The following GRXCR1 variants were observed in gnomAD, a reference collection of about 807,000 sequenced individuals.
GRXCR1 encodes the protein glutaredoxin domain-containing cysteine-rich protein 1.
In GRXCR1, 27 loss-of-function variants were observed where a neutral mutation model predicts 27.3. The ratio of observed to expected loss-of-function variants is 0.99; its 90% CI spans 0.73 to 1.37. The LOEUF (loss-of-function observed/expected upper bound fraction) is 1.37. Among genes scored for constraint, GRXCR1 ranks in the 40% most tolerant of loss-of-function variants. The pLI, the probability that GRXCR1 is intolerant of heterozygous loss-of-function variation, is 0.00. For missense variants in GRXCR1, 379 were observed against 354.4 expected (o/e 1.07, Z -0.56); for synonymous variants, 122 against 131.1 (o/e 0.93, Z 0.47).
chr4:42,963,256 A>AACC, intron 2 of GRXCR1, 122 bp downstream of exon 2: 1 of 1,110,146 alleles, frequency 9.0e-7, no homozygotes, highest in East Asian at 2.4e-5. Flanking sequence ...TTGGAGCTCA[A>AACC]ACCAAAGGGA....
At chr4:42,940,123 T>C (rs1747580603) in intron 1 of GRXCR1, among the ~76,000 whole-genome samples, 1 of 151,936 alleles carries the variant, frequency 6.6e-6, no homozygotes, top group Non-Finnish European at 1.5e-5. Context: ...TCTTTCTGAG[T>C]TCTTCATGGT....
chr4:42,999,486 A>G (rs1345307270), intron 2 of GRXCR1, among the ~76,000 whole-genome samples: 1 of 152,166 alleles, frequency 6.6e-6, no homozygotes, highest in Non-Finnish European at 1.5e-5. Context: ...TCACCTTTCC[A>G]AGTCTCTTCC....
intron 2 of GRXCR1, among the ~76,000 whole-genome samples, chr4:42,984,278 C>T (rs369846107): frequency 4.6e-5 from 7 of 152,300 alleles, no homozygotes; most frequent in African/African-American, 1.7e-4. Context: ...TTTCTTGTCA[C>T]TTTTTATTTT....
chr4:42,964,438 T>G (rs189034261), intron 2 of GRXCR1, among the ~76,000 whole-genome samples: 7 of 152,148 alleles, frequency 4.6e-5, no homozygotes, highest in African/African-American at 1.4e-4. Flanking sequence ...TTTTCTCATT[T>G]GTAAAATGGG....
chr4:42,921,644 G>C (rs1747013642), intron 1 of GRXCR1, among the ~76,000 whole-genome samples: 1 of 151,726 alleles, frequency 6.6e-6, no homozygotes. Flanking sequence ...AAAAATGGAT[G>C]GTTTTATTTC....
At chr4:43,008,042 C>A (rs1045417924) in intron 2 of GRXCR1, among the ~76,000 whole-genome samples, 1 of 151,928 alleles carries the variant, frequency 6.6e-6, no homozygotes, top group African/African-American at 2.4e-5. Context: ...TTTTTATTTG[C>A]TTAGTTTTAT....
chr4:43,005,582 A>G (rs568775463), intron 2 of GRXCR1, among the ~76,000 whole-genome samples: 46 of 152,176 alleles, frequency 3.0e-4, no homozygotes, highest in Non-Finnish European at 6.5e-4. Context: ...GCAAGATGAG[A>G]GACTGTGGCC....
intron 3 of GRXCR1, among the ~76,000 whole-genome samples, chr4:43,021,957 C>T (rs553147117): frequency 1.8e-4 from 27 of 152,236 alleles, no homozygotes; most frequent in African/African-American, 5.5e-4. Flanking sequence ...CTTTCACCTG[C>T]CAGTATCTTG....
intron 1 of GRXCR1, among the ~76,000 whole-genome samples, chr4:42,905,524 C>T (rs1177368025): frequency 6.6e-6 from 1 of 152,168 alleles, no homozygotes; most frequent in African/African-American, 2.4e-5. Flanking sequence ...TCAAAAGAGG[C>T]TGTTGCTGAG....
rs980909974 is a variant in GRXCR1, at chr4:42,921,836, C to T, written c.384+28186C>T. ...TTAGGGCTGGAAGAACTAGGAGAGA[C>T]GAGGGTCTGTGCCCTACTCCTGGAA... On this transcript the variant is annotated intron_variant, in intron 1 of 3. Transcript: ENST00000399770. 7.2e-5 allele frequency among the ~76,000 whole-genome samples: 11 copies of T among 152,214 alleles called. No homozygotes were observed. In the South Asian group the frequency reaches 1.0e-3, roughly 14 times the overall value.
At chr4:42,910,520 C>T (rs1463335414) in intron 1 of GRXCR1, among the ~76,000 whole-genome samples, 1 of 152,118 alleles carries the variant, frequency 6.6e-6, no homozygotes, top group East Asian at 1.9e-4. Context: ...GTGAATGCCC[C>T]ATGGAGGAGT....
At chr4:42,996,265 G>C (rs534028037) in intron 2 of GRXCR1, among the ~76,000 whole-genome samples, 3 of 152,066 alleles carry the variant, frequency 2.0e-5, no homozygotes, top group Non-Finnish European at 2.9e-5. Flanking sequence ...ATAAAGTTAC[G>C]ATCATCTGTC....
chr4:42,926,017 G>GA (rs961330231), intron 1 of GRXCR1, among the ~76,000 whole-genome samples: 2 of 151,914 alleles, frequency 1.3e-5, no homozygotes, highest in African/African-American at 4.8e-5. Flanking sequence ...AGCTCCTTGA[G>GA]AAAAAAAGTT....
At chr4:42,956,342 T>C (rs1180907166) in intron 1 of GRXCR1, among the ~76,000 whole-genome samples, 1 of 151,990 alleles carries the variant, frequency 6.6e-6, no homozygotes, top group Admixed American at 6.6e-5. Context: ...ATGGTAACCC[T>C]CAGGAAGGGA....
chr4:42,987,245 TATAA>T (rs377239543), intron 2 of GRXCR1, among the ~76,000 whole-genome samples: 13 of 85,984 alleles, frequency 1.5e-4, no homozygotes, highest in South Asian at 6.7e-4. Flanking sequence ...ATATATAATA[TATAA>T]TATATATATA....
chr4:42,938,390 A>T (rs1368076051), intron 1 of GRXCR1, among the ~76,000 whole-genome samples: 1 of 152,034 alleles, frequency 6.6e-6, no homozygotes, highest in Admixed American at 6.6e-5. Context: ...TACAACGAAC[A>T]TGGGAGTGCA....
intron 2 of GRXCR1, among the ~76,000 whole-genome samples, chr4:42,971,803 G>T (rs1298406801): frequency 6.6e-6 from 1 of 151,910 alleles, no homozygotes; most frequent in Admixed American, 6.6e-5. Flanking sequence ...AAAAAAAAAT[G>T]CTCAAAGACA....
intron 1 of GRXCR1, among the ~76,000 whole-genome samples, chr4:42,935,463 G>T (rs1747434195): frequency 6.6e-6 from 1 of 151,810 alleles, no homozygotes; most frequent in South Asian, 2.1e-4. Flanking sequence ...ATGAGGGAGG[G>T]TTTTGTGCAA....
chr4:42,983,544 T>G (rs1711562672), intron 2 of GRXCR1, among the ~76,000 whole-genome samples: 1 of 151,668 alleles, frequency 6.6e-6, no homozygotes. Context: ...TGCGGGCTCT[T>G]TTTTGGTTCC....
Sources: allele counts gnomAD v4.1 joint callset (sites outside exome capture counted in the v4.1 genomes callset), GRCh38; gene constraint gnomAD v4.1.1; transcripts MANE v1.5; gene names NCBI Gene and HGNC (gene_info 2026-07-23, HGNC 2026-07-21).